CUBN: variants seen among roughly 807,000 people sequenced by gnomAD.
CUBN encodes the protein 460 kDa receptor.
Under a neutral mutation model 405.3 loss-of-function variants are expected in CUBN, and 282 were observed. The observed-to-expected ratio is 0.70, with a 90% CI of 0.63 to 0.77. CUBN has a LOEUF of 0.77. CUBN is among the 30% of genes least tolerant of loss of function. The probability of loss-of-function intolerance (pLI) is 0.00; values close to 1 mark genes in which losing one functional copy is unlikely to be tolerated. For synonymous variants in CUBN, 1,684 were observed against 1,617.0 expected, an observed-to-expected ratio of 1.04 and a Z score of -0.99; for missense variants, 4,514 against 4,475.2, an observed-to-expected ratio of 1.01 and a Z score of -0.25.
At position 16,859,072 on chromosome 10, in the gene CUBN, C is replaced by T. The variant is rs116833525; in HGVS notation, c.9455-7629G>A. Among the ~76,000 whole-genome samples, 702 of 152,240 alleles carry T rather than the reference C, an allele frequency of 4.6e-3. 3 individuals are homozygous for T. The highest frequency in any genetic ancestry group is 0.016 in the African/African-American group (645 of 41,544). On this transcript the variant is annotated intron_variant, in intron 59 of 66. Coordinates refer to ENST00000377833, the MANE Select transcript of CUBN (RefSeq NM_001081.4). The stretch of plus-strand genomic sequence containing the variant: ...GGGACCTTGGGGTAGGCAAAGAATT[C>T]TTAGACTTGGTATCAAAAACATGAT...
At chr10:17,045,463 G>A (rs1167524489) in intron 24 of CUBN, among the ~76,000 whole-genome samples, 1 of 150,586 alleles carries the variant, frequency 6.6e-6, no homozygotes, top group Non-Finnish European at 1.5e-5. Flanking sequence ...AGGTTCAAGC[G>A]ATTCTCCTGC....
intron 57 of CUBN, among the ~76,000 whole-genome samples, chr10:16,875,426 AC>A (rs1840469570): frequency 6.6e-6 from 1 of 152,176 alleles, no homozygotes; most frequent in Non-Finnish European, 1.5e-5. Context: ...TGGTTTATAC[AC>A]TATCAGTGGA....
Position 16,913,852 on chromosome 10 carries a change from T to G in CUBN, c.7492A>C (p.Arg2498=). ...TTGCAGGACGGATGCGTGGCCAGCC[T>G]CAGGTTGTTAAACATTAGGGTGATC... ...RRITLMFNNL[R]LATHPSCNNE... The change falls in exon 48 of 67, where the codon AGG becomes CGG. Residue 2498 remains arginine, a synonymous_variant. Coordinates refer to ENST00000377833, the MANE Select transcript of CUBN (RefSeq NM_001081.4). The G allele has an allele frequency of 6.2e-7, 1 of 1,614,080 alleles. No individual in the cohort carries two copies. Among genetic ancestry groups the G allele is most frequent in the Non-Finnish European group, 8.5e-7 (1 of 1,180,020 alleles).
At chr10:16,833,990 C>A (rs912853439) in intron 64 of CUBN, among the ~76,000 whole-genome samples, 1 of 152,182 alleles carries the variant, frequency 6.6e-6, no homozygotes, top group Non-Finnish European at 1.5e-5. Flanking sequence ...AGTTTAGAGA[C>A]GGTCAGGATG....
At chr10:16,895,404 T>C in intron 54 of CUBN, among the ~76,000 whole-genome samples, 1 of 152,178 alleles carries the variant, frequency 6.6e-6, no homozygotes, top group East Asian at 1.9e-4. Context: ...AATCAGATCC[T>C]ATTAACTGAT....
At position 16,901,356 on chromosome 10, in the gene CUBN, T is replaced by A; in HGVS notation, c.8166A>T (p.Pro2722=). ...LTHCSSLLEA[P]QGHTITLTFS... Reference sequence around the variant, plus strand: ...CACTCACAGTGATGGTGTGCCCTTGTGGGGCCTCCAACAGCGAAGAGCAGT... The same window carrying A: ...CACTCACAGTGATGGTGTGCCCTTGAGGGGCCTCCAACAGCGAAGAGCAGT... Residue 2722 remains proline (P), a synonymous_variant, in exon 52 of 67, where the codon CCA becomes CCT. Coordinates refer to ENST00000377833, the MANE Select transcript of CUBN (RefSeq NM_001081.4). 2 of 1,614,162 alleles carry A rather than the reference T, an allele frequency of 1.2e-6. No homozygotes were observed. The highest frequency in any genetic ancestry group is 1.7e-6 in the Non-Finnish European group (2 of 1,180,002).
intron 28 of CUBN, among the ~76,000 whole-genome samples, chr10:17,013,160 T>C (rs1402632073): frequency 6.6e-6 from 1 of 152,176 alleles, no homozygotes; most frequent in Non-Finnish European, 1.5e-5. Context: ...TCTTTACTAC[T>C]TCTATCCCTT....
intron 28 of CUBN, among the ~76,000 whole-genome samples, chr10:17,015,029 A>G (rs1245597283): frequency 6.6e-6 from 1 of 152,224 alleles, no homozygotes; most frequent in African/African-American, 2.4e-5. Flanking sequence ...CACCTCATTG[A>G]TGAGTCCAAG....
At chr10:17,012,165 C>T (rs948779850) in intron 28 of CUBN, among the ~76,000 whole-genome samples, 15 of 152,136 alleles carry the variant, frequency 9.9e-5, no homozygotes, top group Non-Finnish European at 1.9e-4. Flanking sequence ...GCCTGATGGC[C>T]TTGATTCTAG....
chr10:16,910,633 G>A (rs1841702869), intron 48 of CUBN, among the ~76,000 whole-genome samples: 1 of 151,986 alleles, frequency 6.6e-6, no homozygotes, highest in Non-Finnish European at 1.5e-5. Flanking sequence ...AATAGCCAAG[G>A]ATCAGCAGAC....
At chr10:16,859,913 T>C (rs1839968030) in intron 59 of CUBN, among the ~76,000 whole-genome samples, 2 of 152,090 alleles carry the variant, frequency 1.3e-5, no homozygotes, top group Non-Finnish European at 2.9e-5. Context: ...AGGAAGTGGG[T>C]AAGTGGGTTT....
At chr10:17,127,153 T>C (rs1296434932) in intron 3 of CUBN, among the ~76,000 whole-genome samples, 1 of 151,672 alleles carries the variant, frequency 6.6e-6, no homozygotes, top group Non-Finnish European at 1.5e-5. Context: ...CAAGGCTTCT[T>C]TTCTTTCTTT....
intron 28 of CUBN, among the ~76,000 whole-genome samples, chr10:17,000,860 G>A (rs1190330055): frequency 6.6e-6 from 1 of 152,168 alleles, no homozygotes; most frequent in Admixed American, 6.5e-5. Flanking sequence ...AAAATTATTG[G>A]GATGAGACAT....
In CUBN at chr10:16,877,082, G is replaced by A. The variant is rs374477671; in HGVS notation, c.8921C>T (p.Thr2974Met). The A allele has an allele frequency of 7.5e-4, 1,204 of 1,613,608 alleles. 15 individuals are homozygous for A. The South Asian group carries it at 0.012, about 17-fold the overall frequency. ...CACGCCATCGTTGACACAGCTTCCC[G>A]TCACAGCGGAACGAGCTGGAAAAGG... ...SFHLEARSAV[T>M]GSCVNDGVHI... The change falls in exon 57 of 67, where the codon ACG becomes ATG. Residue 2974 changes from threonine (T) to methionine (M), a missense_variant. This residue lies in a region of CUBN where 1,186 missense variants were observed against 1,186.9 expected (regional missense o/e 1.00). Transcript: ENST00000377833.
At chr10:16,902,948 A>C (rs1841437836) in intron 51 of CUBN, among the ~76,000 whole-genome samples, 2 of 151,728 alleles carry the variant, frequency 1.3e-5, no homozygotes, top group South Asian at 4.1e-4. Context: ...TGCTCGTGAA[A>C]AGGGACTAGA....
chr10:17,109,448 C>T (rs117169949), intron 10 of CUBN, among the ~76,000 whole-genome samples, 192 bp downstream of exon 10: 1 of 152,290 alleles, frequency 6.6e-6, no homozygotes, highest in South Asian at 2.1e-4. Flanking sequence ...TAAATCAGAG[C>T]AGACCATTAA....
intron 31 of CUBN, among the ~76,000 whole-genome samples, chr10:16,955,374 CAAAAAAAAAAAAAA>C (rs59365817): frequency 0.099 from 6,808 of 69,014 alleles, 623 homozygotes; most frequent in African/African-American, 0.25. Flanking sequence ...GATTCTGTCT[CAAAAAAAAAAAAAA>C]AAAAAAAAAA....
intron 27 of CUBN, among the ~76,000 whole-genome samples, chr10:17,025,223 C>T (rs73598167): frequency 0.015 from 2,265 of 152,266 alleles, 55 homozygotes; most frequent in African/African-American, 0.052. Context: ...AAAAGATGAT[C>T]GTTCAATTTT....
At chr10:16,879,029 T>C (rs1218849660) in intron 56 of CUBN, among the ~76,000 whole-genome samples, 1 of 152,248 alleles carries the variant, frequency 6.6e-6, no homozygotes, top group East Asian at 1.9e-4. Flanking sequence ...TGAACATTCA[T>C]GCATGAGATT....
Sources: gnomAD v4.1 joint callset for allele counts (sites outside exome capture counted in the v4.1 genomes callset) on GRCh38, gnomAD v4.1.1 for gene constraint, gnomAD v4.1.1 regional missense constraint, MANE v1.5 for transcripts, NCBI Gene and HGNC (gene_info 2026-07-23, HGNC 2026-07-21) for gene names.